The following RFWD3 variants were observed in gnomAD, a reference collection of about 807,000 sequenced individuals.
RFWD3 encodes ring finger and WD repeat domain 3, also known as E3 ubiquitin-protein ligase RFWD3.
RFWD3 carries 65 observed loss-of-function variants against 87.7 expected under a neutral mutation model. The observed-to-expected ratio is 0.74, with a 90% CI of 0.61 to 0.91. The LOEUF (loss-of-function observed/expected upper bound fraction) is 0.91, where lower values mean the gene tolerates loss of function less well. RFWD3 is among the 40% of genes least tolerant of loss of function. The pLI is 0.00. For synonymous variants in RFWD3, 433 were observed against 352.8 expected, an observed-to-expected ratio of 1.23 and a Z score of -2.55; for missense variants, 1,078 against 938.5, an observed-to-expected ratio of 1.15 and a Z score of -1.94.
intron 6 of RFWD3, among the ~76,000 whole-genome samples, chr16:74,638,972 G>A (rs1959387616): frequency 6.6e-6 from 1 of 151,652 alleles, no homozygotes; most frequent in South Asian, 2.1e-4. Context: ...GAATACTATA[G>A]GCAATGGTAC....
Position 74,623,876 on chromosome 16 carries a change from C to A in RFWD3, c.*52G>T. On this transcript the variant is annotated 3_prime_UTR_variant, in exon 13 of 13. Transcript: ENST00000361070. ...GGATCTTGCTTGGGGCTGCTAGGCG[C>A]TAGCAAACAACATCTAACCAGCAGC... 1 of 1,598,188 alleles carries A rather than the reference C, an allele frequency of 6.3e-7. No individual in the cohort carries two copies. The highest frequency in any genetic ancestry group is 8.6e-7 in the Non-Finnish European group (1 of 1,168,650).
chr16:74,627,308 AT>A (rs1958967397), intron 11 of RFWD3, among the ~76,000 whole-genome samples: 1 of 152,168 alleles, frequency 6.6e-6, no homozygotes, highest in Non-Finnish European at 1.5e-5. Context: ...AGCATAAATT[AT>A]TTGAAACCCA....
chr16:74,663,196 G>C (rs943214472), intron 1 of RFWD3, among the ~76,000 whole-genome samples: 2 of 152,162 alleles, frequency 1.3e-5, no homozygotes, highest in East Asian at 3.9e-4. Context: ...GAGCCACCGC[G>C]CCCGGCCAAT....
At chr16:74,661,685 T>C (rs563948019) in intron 1 of RFWD3, among the ~76,000 whole-genome samples, 1 of 152,274 alleles carries the variant, frequency 6.6e-6, no homozygotes, top group Non-Finnish European at 1.5e-5. Flanking sequence ...AAACATGAAG[T>C]CCTGTGATCA....
intron 7 of RFWD3, among the ~76,000 whole-genome samples, chr16:74,636,783 G>A (rs1402925667): frequency 6.7e-6 from 1 of 149,878 alleles, no homozygotes; most frequent in Non-Finnish European, 1.5e-5. Flanking sequence ...GGACCATGTT[G>A]GCTCACTGCA....
chr16:74,653,913 A>G (rs1257175068), intron 2 of RFWD3, among the ~76,000 whole-genome samples: 1 of 152,236 alleles, frequency 6.6e-6, no homozygotes, highest in African/African-American at 2.4e-5. Context: ...CCTCTTAAAA[A>G]AAGAAATGTC....
chr16:74,645,458 C>T (rs1230515239), intron 4 of RFWD3, among the ~76,000 whole-genome samples: 2 of 152,160 alleles, frequency 1.3e-5, no homozygotes, highest in Admixed American at 6.6e-5. Context: ...TAAACCTAGA[C>T]GGTGTAAACT....
intron 2 of RFWD3, among the ~76,000 whole-genome samples, chr16:74,657,568 C>T (rs1961095223): frequency 6.6e-6 from 1 of 151,620 alleles, no homozygotes. Context: ...ATCCACCTCC[C>T]GGGTTCAAGC....
At chr16:74,637,364 C>T (rs148002837) in intron 7 of RFWD3, among the ~76,000 whole-genome samples, 5 of 152,268 alleles carry the variant, frequency 3.3e-5, no homozygotes, top group East Asian at 1.9e-4. Context: ...GCAGTGCTCA[C>T]GCCTGTAATC....
chr16:74,623,803 GCAAA>G lies in RFWD3; in HGVS notation c.*121_*124del. On this transcript the variant is annotated 3_prime_UTR_variant, in exon 13 of 13. Coordinates refer to ENST00000361070, the MANE Select transcript of RFWD3 (RefSeq NM_018124.4). ...CCTAGGGTCCTAGAATCATACTAAT[GCAAA>G]CAAACCATGATTCCCAATGTTCTAG... 1 of 1,055,076 alleles carries G rather than the reference GCAAA, an allele frequency of 9.5e-7. No homozygotes were observed. The highest frequency in any genetic ancestry group is 1.4e-6 in the Non-Finnish European group (1 of 715,604). 65.4% of individuals were successfully genotyped at this position (1,055,076 alleles called of 1,614,324 possible).
chr16:74,658,523 A>G (rs1203970408), intron 2 of RFWD3, among the ~76,000 whole-genome samples: 6 of 152,332 alleles, frequency 3.9e-5, no homozygotes, highest in Non-Finnish European at 7.3e-5. Flanking sequence ...CCACACTGAG[A>G]AATTCATCTC....
chr16:74,642,439 T>C (rs934919054), intron 6 of RFWD3, among the ~76,000 whole-genome samples: 2 of 152,046 alleles, frequency 1.3e-5, no homozygotes, highest in African/African-American at 4.8e-5. Context: ...ACTGAATCTA[T>C]AATTAACTTC....
intron 6 of RFWD3, 49 bp downstream of exon 6, chr16:74,644,313 C>A: frequency 6.3e-7 from 1 of 1,582,042 alleles, no homozygotes; most frequent in South Asian, 1.1e-5. Context: ...GATGTGCCTA[C>A]AATGAACCAA....
At chr16:74,642,893 G>T (rs568725304) in intron 6 of RFWD3, among the ~76,000 whole-genome samples, 1 of 152,182 alleles carries the variant, frequency 6.6e-6, no homozygotes, top group East Asian at 1.9e-4. Flanking sequence ...TCGGCATTTT[G>T]AAACTCTTCA....
intron 2 of RFWD3, among the ~76,000 whole-genome samples, chr16:74,656,817 T>C (rs1961023948): frequency 6.6e-6 from 1 of 152,152 alleles, no homozygotes; most frequent in African/African-American, 2.4e-5. Context: ...GGCCAAAATA[T>C]CAACATTATC....
At chr16:74,656,308 CAAA>C (rs71158534) in intron 2 of RFWD3, among the ~76,000 whole-genome samples, 14 of 64,214 alleles carry the variant, frequency 2.2e-4, no homozygotes, top group East Asian at 1.1e-3. Context: ...CTTGTCTTGC[CAAA>C]AAAAAAAAAA....
intron 3 of RFWD3, 107 bp downstream of exon 3, chr16:74,651,813 G>T: frequency 1.1e-6 from 1 of 944,260 alleles, no homozygotes; most frequent in Non-Finnish European, 1.6e-6. Context: ...ACAACATTTA[G>T]GGGAGAAAAG....
intron 8 of RFWD3, among the ~76,000 whole-genome samples, chr16:74,634,042 CAT>C (rs1330159857): frequency 4.6e-5 from 7 of 151,790 alleles, no homozygotes; most frequent in African/African-American, 1.7e-4. Context: ...GGGTGTATTA[CAT>C]ATGTTAAAAG....
chr16:74,666,331 A>G (rs1222750781), intron 1 of RFWD3: 2 of 152,236 alleles, frequency 1.3e-5, no homozygotes, highest in Admixed American at 1.3e-4. Context: ...CAGGGATAAT[A>G]CAAGTCTTTA....
Sources: gnomAD v4.1 joint callset for allele counts (sites outside exome capture counted in the v4.1 genomes callset) on GRCh38, gnomAD v4.1.1 for gene constraint, MANE v1.5 for transcripts, NCBI Gene and HGNC (gene_info 2026-07-23, HGNC 2026-07-21) for gene names.